Variants in FAT2 observed in about 807,000 individuals in gnomAD.
The protein encoded by FAT2 is protocadherin Fat 2.
A neutral mutation model predicts 295.3 loss-of-function variants in FAT2; 150 were observed. That is an observed-to-expected ratio of 0.51 (90% CI 0.44 to 0.58). The LOEUF is 0.58. FAT2 is among the 20% of genes least tolerant of loss of function. The pLI is 0.00. For synonymous variants in FAT2, 2,026 were observed against 2,150.3 expected (o/e 0.94, Z 1.60); for missense variants, 4,868 against 5,442.7 (o/e 0.89, Z 3.32).
rs768449365 is a variant in FAT2, at chr5:151,517,684, A to G, written c.11399T>C (p.Leu3800Pro). ...AARNWHIHFY[L>P]KTLQPQAILL... ...AATGGCCTGTGGCTGGAGTGTTTTCAGATAGAAATGGATGTGCCAGTTCCG... is the reference window on the plus strand; with the variant it reads ...AATGGCCTGTGGCTGGAGTGTTTTCGGATAGAAATGGATGTGCCAGTTCCG... The change falls in exon 20 of 24, where the codon CTG (leucine) becomes CCG (proline). Residue 3800 changes from leucine to proline, a missense_variant. Physicochemically the swap from Leu to Pro is moderately conservative, Grantham distance 98 (BLOSUM62 -3). Around this residue, in one of 5 missense-constraint regions of FAT2, gnomAD observed 1,046 missense variants for 1,210.1 expected, o/e 0.86. Transcript: ENST00000261800. 6.2e-7 allele frequency: 1 copy of G among 1,614,162 alleles called. No individual in the cohort carries two copies. The highest frequency in any genetic ancestry group is 8.5e-7 in the Non-Finnish European group (1 of 1,180,030).
At chr5:151,520,957 G>T (rs952857096) in intron 19 of FAT2, among the ~76,000 whole-genome samples, 15 of 152,192 alleles carry the variant, frequency 9.9e-5, no homozygotes, top group African/African-American at 3.4e-4. Flanking sequence ...TCCTAAAGTC[G>T]CCTGGTTAGT....
chr5:151,507,429 A>T lies in FAT2; in HGVS notation c.12242T>A (p.Met4081Lys). 2 of 1,614,184 alleles carry T rather than the reference A, an allele frequency of 1.2e-6. No homozygotes were observed. Among genetic ancestry groups the T allele is most frequent in the Non-Finnish European group, 1.7e-6 (2 of 1,180,022 alleles). The stretch of plus-strand genomic sequence containing the variant: ...CCTGGCCAGGAGGTCTGGGTCCTCC[A>T]TGGCCACAGGCTTGTGAGACTTGCA... ...RRCKSHKPVA[M>K]EDPDLLARSV... Residue 4081 changes from methionine to lysine, a missense_variant, in exon 23 of 24, where the codon ATG becomes AAG. Coordinates refer to ENST00000261800, the MANE Select transcript of FAT2 (RefSeq NM_001447.3).
At chr5:151,593,872 G>A (rs1481978207), upstream of FAT2, among the ~76,000 whole-genome samples, 2 of 152,016 alleles carry the variant, frequency 1.3e-5, no homozygotes, top group Non-Finnish European at 2.9e-5. Context: ...GTGTGGTGCC[G>A]TGTGCCTGTA....
intron 4 of FAT2, among the ~76,000 whole-genome samples, chr5:151,556,088 C>T (rs544261954): frequency 6.6e-6 from 1 of 152,262 alleles, no homozygotes; most frequent in South Asian, 2.1e-4. Context: ...GTACTGCTCC[C>T]CTCTCCTTCA....
chr5:151,585,815 C>T (rs1202107186), intron 1 of FAT2, among the ~76,000 whole-genome samples: 1 of 152,082 alleles, frequency 6.6e-6, no homozygotes, highest in Non-Finnish European at 1.5e-5. Context: ...TTCAGGAGCC[C>T]CCAAATCTAT....
intron 20 of FAT2, among the ~76,000 whole-genome samples, chr5:151,515,007 C>T (rs145545193): frequency 6.6e-6 from 1 of 152,170 alleles, no homozygotes; most frequent in African/African-American, 2.4e-5. Context: ...TTGTCTTCAC[C>T]TCAGTTTTCC....
At chr5:151,576,245 A>T (rs950624857) in intron 1 of FAT2, among the ~76,000 whole-genome samples, 1 of 152,212 alleles carries the variant, frequency 6.6e-6, no homozygotes, top group Non-Finnish European at 1.5e-5. Flanking sequence ...GGGTATTTTT[A>T]AAATGGTTAG....
At chr5:151,562,629 T>G (rs1413732229) in intron 3 of FAT2, among the ~76,000 whole-genome samples, 2 of 152,190 alleles carry the variant, frequency 1.3e-5, no homozygotes, top group Non-Finnish European at 2.9e-5. Flanking sequence ...GATCCTTCCA[T>G]TTTTAAAAAA....
Position 151,540,221 on chromosome 5 carries a change from TG to T in FAT2, c.9039+345del, listed in dbSNP as rs528620230. On this transcript the variant is annotated intron_variant, in intron 11 of 23. Coordinates refer to ENST00000261800, the MANE Select transcript of FAT2 (RefSeq NM_001447.3). ...TCTTGAACAGCTTGGTATATCCCTA[TG>T]GGGGCCAAGGAATTACCTAGAATGG... 3.3e-4 allele frequency among the ~76,000 whole-genome samples: 50 copies of T among 152,296 alleles called. No homozygotes were observed. The South Asian group carries it at 8.9e-3, about 27-fold the overall frequency.
In FAT2 at chr5:151,505,893, G is replaced by A; in HGVS notation, c.12722C>T (p.Pro4241Leu). The change falls in exon 24 of 24, where the codon CCC (proline) becomes CTC (leucine). Residue 4241 changes from proline (P) to leucine (L), a missense_variant. This residue lies in a region of FAT2 where 492 missense variants were observed against 482.6 expected (regional missense o/e 1.02). Transcript: ENST00000261800. ...TTCCAGGTTCTGGTTGCTGTAACGGGGTGGGAGAGGTGCCCGCTTGTTTTC... is the reference window on the plus strand; with the variant it reads ...TTCCAGGTTCTGGTTGCTGTAACGGAGTGGGAGAGGTGCCCGCTTGTTTTC... ...EMENKRAPLP[P>L]RYSNQNLEDL... 6.3e-7 allele frequency: 1 copy of A among 1,598,278 alleles called. No homozygotes were observed. The highest frequency in any genetic ancestry group is 1.4e-5 in the African/African-American group (1 of 73,990).
Position 151,517,134 on chromosome 5 carries a change from G to A in FAT2, c.11463+486C>T, listed in dbSNP as rs190976786. Among the ~76,000 whole-genome samples the A allele has an allele frequency of 1.1e-4, 17 of 151,892 alleles. No homozygotes were observed. The East Asian group carries it at 3.3e-3, about 29-fold the overall frequency. ...AAAAAAAAAAAAAGAAAAAAGAAAT[G>A]GTAGATTGGCATATGTGATAGAGGT... On this transcript the variant is annotated intron_variant, in intron 20 of 23. Coordinates refer to ENST00000261800, the MANE Select transcript of FAT2 (RefSeq NM_001447.3).
Position 151,549,523 on chromosome 5 carries a change from G to A in FAT2, c.4579-18C>T, listed in dbSNP as rs777582655. The A allele has an allele frequency of 2.5e-6, 4 of 1,610,376 alleles. No individual in the cohort carries two copies. Among genetic ancestry groups the A allele is most frequent in the Admixed American group, 3.3e-5 (2 of 59,994 alleles). On this transcript the variant is annotated intron_variant, in intron 8 of 23. Coordinates refer to ENST00000261800, the MANE Select transcript of FAT2 (RefSeq NM_001447.3). Reference sequence around the variant, plus strand: ...TCTCGGACCTATGGGCCCAAAGGGGGTAATTGGGTAAGCAGCAAATGGAAT... The same window carrying A: ...TCTCGGACCTATGGGCCCAAAGGGGATAATTGGGTAAGCAGCAAATGGAAT...
rs2127610663 is a variant in FAT2, at chr5:151,544,849, G to A, written c.6278C>T (p.Ser2093Phe). The A allele has an allele frequency of 1.2e-6, 2 of 1,614,226 alleles. No homozygotes were observed. The highest frequency in any genetic ancestry group is 1.7e-6 in the Non-Finnish European group (2 of 1,180,034). Reference protein sequence around the residue: ...TEPGDVLFQVSATDEDLGTNG... With the variant: ...TEPGDVLFQVFATDEDLGTNG... Reference sequence around the variant, plus strand: ...TGTCCCCAAGTCCTCATCAGTGGCAGATACCTGAAAGAGGACATCCCCTGG... The same window carrying A: ...TGTCCCCAAGTCCTCATCAGTGGCAAATACCTGAAAGAGGACATCCCCTGG... The change falls in exon 10 of 24, where the codon TCT becomes TTT. Residue 2093 changes from serine (S) to phenylalanine (F), a missense_variant. Coordinates refer to ENST00000261800, the MANE Select transcript of FAT2 (RefSeq NM_001447.3).
In FAT2 at chr5:151,553,275, T is replaced by C. The variant is rs756385143; in HGVS notation, c.4058A>G (p.Tyr1353Cys). The change falls in exon 6 of 24, where the codon TAC (tyrosine) becomes TGC (cysteine). Residue 1353 changes from tyrosine (Y) to cysteine (C), a missense_variant. Tyr to Cys is a radical substitution (Grantham distance 194). This residue lies in a region of FAT2 where 3,297 missense variants were observed against 3,669.4 expected (regional missense o/e 0.90). Coordinates refer to ENST00000261800, the MANE Select transcript of FAT2 (RefSeq NM_001447.3). ...CGTCTCCATGACCGTAAAGCTGTAG[T>C]AGGTCTCATCAAAGGCCAGAGGGAT... ...SSIPLAFDET[Y>C]YSFTVMETDP... 1 of 1,614,224 alleles carries C rather than the reference T, an allele frequency of 6.2e-7. No homozygotes were observed. Among genetic ancestry groups the C allele is most frequent in the Non-Finnish European group, 8.5e-7 (1 of 1,180,034 alleles).
chr5:151,592,873 G>A (rs1759466623), upstream of FAT2, among the ~76,000 whole-genome samples: 1 of 152,188 alleles, frequency 6.6e-6, no homozygotes, highest in Non-Finnish European at 1.5e-5. Context: ...TTATACAGGA[G>A]CAATGAGGCT....
intron 12 of FAT2, 80 bp downstream of exon 12, chr5:151,537,713 C>T (rs1258261077): frequency 1.4e-5 from 19 of 1,399,216 alleles, no homozygotes; most frequent in Non-Finnish European, 1.7e-5. Context: ...GTTTCTTCTC[C>T]AAGGAGAATA....
At chr5:151,551,111 G>A (rs1181294346) in intron 7 of FAT2, among the ~76,000 whole-genome samples, 2 of 150,810 alleles carry the variant, frequency 1.3e-5, no homozygotes, top group Non-Finnish European at 2.9e-5. Flanking sequence ...CAAGTGAAAT[G>A]TTGTGTGAAA....
At chr5:151,568,989 GA>G (rs878888516) in intron 1 of FAT2, 38 bp from the exon 2 acceptor site, 52 of 1,517,866 alleles carry the variant, frequency 3.4e-5, no homozygotes, top group Middle Eastern at 2.2e-4. Flanking sequence ...AAGTTAGGGG[GA>G]AAAAATGGTT....
At chr5:151,584,061 CTT>C (rs931945519) in intron 1 of FAT2, among the ~76,000 whole-genome samples, 1 of 140,286 alleles carries the variant, frequency 7.1e-6, no homozygotes, top group African/African-American at 2.6e-5. Context: ...TCAAAGAAGA[CTT>C]TAATTAAAAA....
Sources: gnomAD v4.1 joint callset for allele counts (sites outside exome capture counted in the v4.1 genomes callset) on GRCh38, gnomAD v4.1.1 for gene constraint, gnomAD v4.1.1 regional missense constraint, MANE v1.5 for transcripts, NCBI Gene and HGNC (gene_info 2026-07-23, HGNC 2026-07-21) for gene names.